CAMKMT: variants seen among roughly 807,000 people sequenced by gnomAD.
The protein encoded by CAMKMT is calmodulin-lysine N-methyltransferase.
CAMKMT carries 53 observed loss-of-function variants against 48.0 expected under a neutral mutation model. The ratio of observed to expected loss-of-function variants is 1.10; its 90% confidence interval spans 0.89 to 1.39. CAMKMT has a LOEUF of 1.39. Among genes scored for constraint, CAMKMT ranks in the 40% most tolerant of loss-of-function variants. The probability of loss-of-function intolerance (pLI) is 0.00; values close to 1 mark genes in which losing one functional copy is unlikely to be tolerated. For missense variants in CAMKMT, 428 were observed against 402.7 expected, an observed-to-expected ratio of 1.06 and a Z score of -0.54; for synonymous variants, 165 against 152.3, an observed-to-expected ratio of 1.08 and a Z score of -0.61.
At chr2:44,464,675 TACTAA>T (rs769103722) in intron 3 of CAMKMT, among the ~76,000 whole-genome samples, 128 of 152,266 alleles carry the variant, frequency 8.4e-4, no homozygotes, top group Non-Finnish European at 1.6e-3. Flanking sequence ...TTGGAAGATA[TACTAA>T]AAGTGCTGAA....
intron 3 of CAMKMT, among the ~76,000 whole-genome samples, chr2:44,514,623 T>C (rs145187758): frequency 1.3e-5 from 2 of 152,308 alleles, no homozygotes; most frequent in African/African-American, 4.8e-5. Flanking sequence ...ACTATTGAGA[T>C]TGTAAATGCC....
At chr2:44,478,881 A>G (rs201939794) in intron 3 of CAMKMT, among the ~76,000 whole-genome samples, 1 of 151,978 alleles carries the variant, frequency 6.6e-6, no homozygotes, top group Non-Finnish European at 1.5e-5. Context: ...TTGTATTTTT[A>G]GTAGAGACGG....
Position 44,743,481 on chromosome 2 carries a change from A to G in CAMKMT, c.624-141A>G, listed in dbSNP as rs915141470. ...AAAACACAGAAGACAGTTACATCCT[A>G]TTTTTTATTATACCTTTTGAAATAA... On this transcript the variant is annotated intron_variant, in intron 7 of 10. Coordinates refer to ENST00000378494, the MANE Select transcript of CAMKMT (RefSeq NM_024766.5). 6.7e-6 allele frequency: 4 copies of G among 599,650 alleles called. No individual in the cohort carries two copies. The African/African-American group carries it at 7.6e-5, about 11-fold the overall frequency. 37.1% of individuals were successfully genotyped at this position (599,650 alleles called of 1,614,324 possible).
chr2:44,626,109 G>C (rs993472878), intron 3 of CAMKMT, among the ~76,000 whole-genome samples: 1 of 152,112 alleles, frequency 6.6e-6, no homozygotes, highest in South Asian at 2.1e-4. Flanking sequence ...AATTTAAAGA[G>C]AAGATAATTC....
chr2:44,686,614 A>C (rs1481553075), intron 3 of CAMKMT, among the ~76,000 whole-genome samples: 3 of 152,254 alleles, frequency 2.0e-5, no homozygotes, highest in African/African-American at 7.2e-5. Flanking sequence ...AAAAAAATGC[A>C]ACCATGTATA....
chr2:44,405,444 A>G (rs1275040616), intron 3 of CAMKMT, among the ~76,000 whole-genome samples: 1 of 152,152 alleles, frequency 6.6e-6, no homozygotes, highest in Admixed American at 6.5e-5. Flanking sequence ...AATGCATAAA[A>G]TGTAATTTCA....
chr2:44,374,592 T>C (rs1269937742), intron 2 of CAMKMT, among the ~76,000 whole-genome samples: 1 of 152,258 alleles, frequency 6.6e-6, no homozygotes, highest in Non-Finnish European at 1.5e-5. Flanking sequence ...AAATAGTCTC[T>C]TCTTGAGATC....
chr2:44,400,958 A>ATG (rs1405059754), intron 3 of CAMKMT: 6 of 105,374 alleles, frequency 5.7e-5, no homozygotes, highest in Non-Finnish European at 1.2e-4. Flanking sequence ...ATATATATAT[A>ATG]TATGTATGTA....
rs186853489 is a variant in CAMKMT at position 44,550,274 on chromosome 2, G to T, written c.377-154009G>T. On this transcript the variant is annotated intron_variant, in intron 3 of 10. Coordinates refer to ENST00000378494, the MANE Select transcript of CAMKMT (RefSeq NM_024766.5). The stretch of plus-strand genomic sequence containing the variant: ...AAATTAGGCAGGTCTGGTGACACAT[G>T]ACTGTAGTCCCAGCTACTCTAGAGG... 1.6e-3 allele frequency among the ~76,000 whole-genome samples: 237 copies of T among 151,984 alleles called. 2 individuals carry two copies. The highest frequency in any genetic ancestry group is 5.4e-3 in the African/African-American group (222 of 41,450).
chr2:44,496,381 G>A (rs1268585816), intron 3 of CAMKMT, among the ~76,000 whole-genome samples: 1 of 152,180 alleles, frequency 6.6e-6, no homozygotes, highest in Non-Finnish European at 1.5e-5. Context: ...ACTCCCTACT[G>A]ATTCAAAGAA....
chr2:44,416,596 T>C (rs1683570173), intron 3 of CAMKMT, among the ~76,000 whole-genome samples: 1 of 131,826 alleles, frequency 7.6e-6, no homozygotes, highest in African/African-American at 2.9e-5. Context: ...TTTTTTGAGA[T>C]GGAGTCTTGC....
At position 44,739,404 on chromosome 2, in the gene CAMKMT, G is replaced by A. The variant is rs771138437; in HGVS notation, c.624-4218G>A. 2.6e-5 allele frequency among the ~76,000 whole-genome samples: 4 copies of A among 152,300 alleles called. No homozygotes were observed. The South Asian group carries it at 6.2e-4, about 24-fold the overall frequency. Reference sequence around the variant, plus strand: ...AGAAAGAGTCAAAGATATATTCAAGGTCTTTGGCCTGAGCAACTGGAAAGA... The same window carrying A: ...AGAAAGAGTCAAAGATATATTCAAGATCTTTGGCCTGAGCAACTGGAAAGA... On this transcript the variant is annotated intron_variant, in intron 7 of 10. Transcript: ENST00000378494.
chr2:44,597,890 C>T (rs11884146), intron 3 of CAMKMT, among the ~76,000 whole-genome samples: 94,166 of 151,832 alleles, frequency 0.62, 29,728 homozygotes, highest in Admixed American at 0.7. Flanking sequence ...GCATGCACCA[C>T]CACCCTGGGC....
intron 3 of CAMKMT, among the ~76,000 whole-genome samples, chr2:44,452,558 T>C (rs1414562136): frequency 1.3e-5 from 2 of 152,042 alleles, no homozygotes; most frequent in African/African-American, 4.8e-5. Context: ...GTTTCTTCCC[T>C]GAAATCTTTC....
In CAMKMT at chr2:44,397,019, A is replaced by G. The variant is rs1458207321; in HGVS notation, c.376+6714A>G. Among the ~76,000 whole-genome samples, 3 of 149,360 alleles carry G rather than the reference A, an allele frequency of 2.0e-5. No individual in the cohort carries two copies. In the East Asian group the frequency reaches 5.9e-4, roughly 30 times the overall value. On this transcript the variant is annotated intron_variant, in intron 3 of 10. Transcript: ENST00000378494. Reference sequence around the variant, plus strand: ...GGTTGCAGTGAGCCGAGATTGCACCACTGCCCTTCAGCCCAGGCGACAGAG... The same window carrying G: ...GGTTGCAGTGAGCCGAGATTGCACCGCTGCCCTTCAGCCCAGGCGACAGAG...
Position 44,618,474 on chromosome 2 carries a change from T to C in CAMKMT, c.377-85809T>C, listed in dbSNP as rs1259442121. Among the ~76,000 whole-genome samples the C allele has an allele frequency of 2.0e-5, 3 of 152,206 alleles. No homozygotes were observed. The highest frequency in any genetic ancestry group is 6.5e-5 in the Admixed American group (1 of 15,284). ...GTGGCACTTGGGGACCTTTTTGCTT[T>C]AGGTCGAAGGCTTTTCAGACTGCGA... On this transcript the variant is annotated intron_variant, in intron 3 of 10. Coordinates refer to ENST00000378494, the MANE Select transcript of CAMKMT (RefSeq NM_024766.5). This position sits in a 1 kb window ranked among gnomAD's most constrained non-coding sequence, Gnocchi z 4.0.
At chr2:44,531,138 A>G (rs763910046) in intron 3 of CAMKMT, among the ~76,000 whole-genome samples, 8 of 152,102 alleles carry the variant, frequency 5.3e-5, no homozygotes, top group African/African-American at 1.9e-4. Flanking sequence ...ACTGTTATGT[A>G]GTTAATAAAC....
intron 3 of CAMKMT, among the ~76,000 whole-genome samples, chr2:44,591,316 T>A (rs1325251953): frequency 2.0e-5 from 3 of 152,222 alleles, no homozygotes; most frequent in Non-Finnish European, 2.9e-5. Flanking sequence ...TTGATGGGGT[T>A]GGCATTGAAT....
At chr2:44,399,104 G>C (rs1271672691) in intron 3 of CAMKMT, among the ~76,000 whole-genome samples, 1 of 152,148 alleles carries the variant, frequency 6.6e-6, no homozygotes, top group Non-Finnish European at 1.5e-5. Flanking sequence ...CAATCTGCTT[G>C]TCCTGGTATA....
Sources: gnomAD v4.1 joint callset for allele counts (sites outside exome capture counted in the v4.1 genomes callset) on GRCh38, gnomAD v4.1.1 for gene constraint, Gnocchi (gnomAD v3.1) non-coding constraint, MANE v1.5 for transcripts, NCBI Gene and HGNC (gene_info 2026-07-23, HGNC 2026-07-21) for gene names.